CRTC1: variants seen among roughly 807,000 people sequenced by gnomAD.
The protein encoded by CRTC1 is CREB regulated transcription coactivator 1.
CRTC1 carries 18 observed loss-of-function variants against 66.1 expected under a neutral mutation model. The observed-to-expected ratio is 0.27, with a 90% confidence interval of 0.19 to 0.40. The LOEUF is 0.40. CRTC1 is among the 10% of genes least tolerant of loss of function. The pLI, the probability that CRTC1 is intolerant of heterozygous loss-of-function variation, is 1.00. For missense variants in CRTC1, 669 were observed against 887.9 expected, an observed-to-expected ratio of 0.75 and a Z score of 3.13; for synonymous variants, 416 against 398.8, an observed-to-expected ratio of 1.04 and a Z score of -0.51.
chr19:18,782,026 C>T lies in CRTC1; in HGVS notation c.*4644C>T, dbSNP rs558736159. 10 of 228,668 alleles carry T rather than the reference C, an allele frequency of 4.4e-5. No homozygotes were observed. The highest frequency in any genetic ancestry group is 1.8e-4 in the South Asian group (1 of 5,512). The allele number at this position is 228,668 out of a possible 1,614,324, so 14.2% of individuals were successfully genotyped here. On this transcript the variant is annotated 3_prime_UTR_variant, in exon 14 of 14. Transcript: ENST00000321949. ...GGCAGCCAAAGTCCACTGGCCCTGC[C>T]GTGCCCCTGAGTAGGAAACTGTCCC...
intron 4 of CRTC1, among the ~76,000 whole-genome samples, chr19:18,748,860 C>A (rs2054303806): frequency 6.6e-6 from 1 of 152,058 alleles, no homozygotes; most frequent in South Asian, 2.1e-4. Context: ...ATAGGTCAGG[C>A]CCTGTTCCCA....
intron 6 of CRTC1, among the ~76,000 whole-genome samples, chr19:18,757,443 G>A (rs1424007990): frequency 6.6e-6 from 1 of 152,218 alleles, no homozygotes; most frequent in East Asian, 1.9e-4. Flanking sequence ...TGTGAGCGGT[G>A]GGGGCTTGGA....
At position 18,768,674 on chromosome 19, in the gene CRTC1, A is replaced by G. The variant is rs1226399267; in HGVS notation, c.1201A>G (p.Ser401Gly). The G allele has an allele frequency of 2.3e-6, 3 of 1,327,686 alleles. No individual in the cohort carries two copies. Among genetic ancestry groups the G allele is most frequent in the South Asian group, 1.2e-5 (1 of 80,610 alleles). The allele number at this position is 1,327,686 out of a possible 1,614,324, so 82.2% of individuals were successfully genotyped here. ...RLPPGGPLLP[S>G]ASLTRGPQPP... Reference sequence around the variant, plus strand: ...GCCCCCTGGTGGCCCCCTGTTGCCCAGCGCCAGCCTGACTCGTGGGCCACA... The same window carrying G: ...GCCCCCTGGTGGCCCCCTGTTGCCCGGCGCCAGCCTGACTCGTGGGCCACA... The change falls in exon 10 of 14, where the codon AGC becomes GGC. Residue 401 changes from serine (S) to glycine (G), a missense_variant. Coordinates refer to ENST00000321949, the MANE Select transcript of CRTC1 (RefSeq NM_015321.3). This position sits in a 1 kb window ranked among gnomAD's most constrained non-coding sequence, Gnocchi z 5.6.
intron 1 of CRTC1, among the ~76,000 whole-genome samples, chr19:18,712,193 G>A (rs1222472009): frequency 6.6e-6 from 1 of 151,770 alleles, no homozygotes; most frequent in East Asian, 1.9e-4. Context: ...CCGTCCTCCT[G>A]CCTCAGCCTC....
chr19:18,747,919 A>T (rs1320622946), intron 4 of CRTC1, among the ~76,000 whole-genome samples: 1 of 152,074 alleles, frequency 6.6e-6, no homozygotes, highest in Non-Finnish European at 1.5e-5. Context: ...TTTACAAAAA[A>T]TGAGAGAATT....
intron 1 of CRTC1, among the ~76,000 whole-genome samples, chr19:18,701,918 TTTTG>T (rs1162282933): frequency 6.8e-6 from 1 of 147,804 alleles, no homozygotes; most frequent in African/African-American, 2.6e-5. Context: ...GCGCCCACCG[TTTTG>T]TTTTTTTTTT....
chr19:18,743,163 G>C (rs1046190245), intron 2 of CRTC1, 137 bp downstream of exon 2: 1 of 719,248 alleles, frequency 1.4e-6, no homozygotes, highest in Non-Finnish European at 2.4e-6. Context: ...CTCCTTGTCT[G>C]CCCTGGGAAC....
At chr19:18,729,283 G>A (rs1181254220) in intron 1 of CRTC1, among the ~76,000 whole-genome samples, 2 of 151,158 alleles carry the variant, frequency 1.3e-5, no homozygotes, top group East Asian at 2.0e-4. Context: ...AAAATTAGCC[G>A]GGCGTGGCGG....
At chr19:18,693,384 G>A (rs934250100) in intron 1 of CRTC1, among the ~76,000 whole-genome samples, 11 of 74,196 alleles carry the variant, frequency 1.5e-4, no homozygotes, top group Admixed American at 6.4e-4. Flanking sequence ...GTGAGACACC[G>A]TCTAAAAAAA....
chr19:18,761,211 C>T (rs1056730008), intron 8 of CRTC1, among the ~76,000 whole-genome samples: 10 of 152,366 alleles, frequency 6.6e-5, no homozygotes, highest in Middle Eastern at 3.4e-3. Context: ...TCTACTGCCG[C>T]GTTGCTTTCC....
chr19:18,752,663 C>CA (rs915363374), intron 5 of CRTC1, among the ~76,000 whole-genome samples: 537 of 146,694 alleles, frequency 3.7e-3, no homozygotes, highest in African/African-American at 0.013. Flanking sequence ...TTTTTTGAAA[C>CA]AGAGTTTCAC....
chr19:18,704,654 G>A (rs551155375), intron 1 of CRTC1, among the ~76,000 whole-genome samples: 1 of 152,296 alleles, frequency 6.6e-6, no homozygotes, highest in East Asian at 1.9e-4. Flanking sequence ...AGAGGTTGCA[G>A]TGAGCCATGA....
intron 8 of CRTC1, among the ~76,000 whole-genome samples, chr19:18,763,254 C>A (rs1056435690): frequency 2.6e-5 from 4 of 152,168 alleles, no homozygotes; most frequent in Admixed American, 2.6e-4. Context: ...GCGCCCACCA[C>A]CACGCCTGGC....
At position 18,782,086 on chromosome 19, in the gene CRTC1, C is replaced by T. The variant is rs994794739; in HGVS notation, c.*4704C>T. The T allele has an allele frequency of 8.9e-6, 2 of 224,750 alleles. No homozygotes were observed. The highest frequency in any genetic ancestry group is 1.8e-5 in the Non-Finnish European group (2 of 112,790). 13.9% of individuals were successfully genotyped at this position (224,750 alleles called of 1,614,324 possible). A position where few individuals can be genotyped will look rare whatever the true frequency, so the allele number is the denominator to read the frequency against. On this transcript the variant is annotated 3_prime_UTR_variant, in exon 14 of 14. Coordinates refer to ENST00000321949, the MANE Select transcript of CRTC1 (RefSeq NM_015321.3). ...GGGTGGCCCCACTGATATATGCAAA[C>T]CCGCCGGTCCGAGCCCTGTTCCTGC...
At chr19:18,734,326 G>C (rs2053951888) in intron 1 of CRTC1, among the ~76,000 whole-genome samples, 1 of 151,990 alleles carries the variant, frequency 6.6e-6, no homozygotes, top group Non-Finnish European at 1.5e-5. Flanking sequence ...TTTTTATGTG[G>C]ATTTTATTGC....
intron 1 of CRTC1, among the ~76,000 whole-genome samples, chr19:18,692,130 G>C (rs1011816682): frequency 6.6e-6 from 1 of 151,976 alleles, no homozygotes; most frequent in Non-Finnish European, 1.5e-5. Flanking sequence ...GTCTCCCTCT[G>C]TCTCATCCAG....
rs1307178813 is a variant in CRTC1, at chr19:18,781,855, G to A, written c.*4473G>A. On this transcript the variant is annotated 3_prime_UTR_variant, in exon 14 of 14. Coordinates refer to ENST00000321949, the MANE Select transcript of CRTC1 (RefSeq NM_015321.3). ...CCAGGGACAGGTGGCATGTGTTGGG[G>A]TCGGGGGATGGCCCCCATCTCGAAG... 8.7e-6 allele frequency: 2 copies of A among 230,600 alleles called. No homozygotes were observed. The highest frequency in any genetic ancestry group is 1.7e-5 in the Non-Finnish European group (2 of 116,444). The allele number at this position is 230,600 out of a possible 1,614,324, so 14.3% of individuals were successfully genotyped here.
At chr19:18,721,319 G>A (rs1032828238) in intron 1 of CRTC1, among the ~76,000 whole-genome samples, 1 of 150,748 alleles carries the variant, frequency 6.6e-6, no homozygotes, top group African/African-American at 2.4e-5. Flanking sequence ...TCAGCCTCCC[G>A]AGTAGCTGGG....
intron 1 of CRTC1, among the ~76,000 whole-genome samples, chr19:18,713,967 C>T (rs1042883966): frequency 6.6e-6 from 1 of 152,214 alleles, no homozygotes; most frequent in East Asian, 1.9e-4. Context: ...GAAACCTACA[C>T]TAAAAATAGC....
Sources: allele counts gnomAD v4.1 joint callset (sites outside exome capture counted in the v4.1 genomes callset), GRCh38; gene constraint gnomAD v4.1.1; non-coding constraint Gnocchi (gnomAD v3.1); transcripts MANE v1.5; gene names NCBI Gene and HGNC (gene_info 2026-07-23, HGNC 2026-07-21).